Variants in APOO observed in about 807,000 individuals in gnomAD.
APOO encodes the protein MICOS complex subunit MIC26.
A neutral mutation model predicts 23.1 loss-of-function variants in APOO; 11 were observed. The observed-to-expected ratio is 0.48, with a 90% CI of 0.30 to 0.79. The LOEUF is 0.79. APOO is among the 30% of genes least tolerant of loss of function. The pLI is 0.07. For synonymous variants in APOO, 59 were observed against 54.8 expected (o/e 1.08, Z -0.34); for missense variants, 160 against 142.7 (o/e 1.12, Z -0.62).
chrX:23,860,581 T>C (rs370052525), intron 5 of APOO, among the ~76,000 whole-genome samples: 1 of 110,031 alleles, frequency 9.1e-6, no homozygotes, highest in East Asian at 2.9e-4. Context: ...GGCACAATCA[T>C]GGCTCACTGC....
intron 1 of APOO, among the ~76,000 whole-genome samples, chrX:23,889,755 T>C (rs186654677): frequency 4.4e-3 from 454 of 103,804 alleles, no homozygotes; most frequent in South Asian, 0.027. Context: ...CTCCGCCTCC[T>C]GGGTTCATGC....
intron 5 of APOO, among the ~76,000 whole-genome samples, chrX:23,865,145 G>A (rs1413825487): frequency 9.0e-6 from 1 of 111,650 alleles, no homozygotes; most frequent in East Asian, 2.8e-4. Flanking sequence ...AGAGCCACCA[G>A]AAGGCAACAA....
intron 7 of APOO, among the ~76,000 whole-genome samples, chrX:23,852,412 C>T (rs745555879): frequency 9.1e-6 from 1 of 110,408 alleles, no homozygotes; most frequent in East Asian, 2.9e-4. Context: ...CCCTGCACAA[C>T]ATGGTGAAAC....
At chrX:23,868,029 T>C (rs1404831747) in intron 5 of APOO, among the ~76,000 whole-genome samples, 2 of 112,445 alleles carry the variant, frequency 1.8e-5, no homozygotes, top group East Asian at 2.8e-4. Context: ...AGTTTCCAAC[T>C]AGCAAAACTT....
intron 1 of APOO, among the ~76,000 whole-genome samples, chrX:23,884,915 G>C (rs1022288209): frequency 9.0e-6 from 1 of 111,456 alleles, no homozygotes; most frequent in Non-Finnish European, 1.9e-5. Flanking sequence ...TCCAGAGACC[G>C]ACAGACAGCT....
rs373225462 is a variant in APOO at position 23,858,679 on chromosome X, G to C, written c.443C>G (p.Ser148Cys). 4.1e-6 allele frequency: 5 copies of C among 1,211,438 alleles called. No homozygotes were observed. The Admixed American group carries it at 8.7e-5, about 21-fold the overall frequency. ...YPPGFMGLAA[S>C]LYYPQQAIVF... ...GATGGCTTGTTGTGGATAATAGAGG[G>C]AGGCAGCTAATCCCATGAAACCAGG... The change falls in exon 6 of 9, where the codon TCC (serine) becomes TGC (cysteine). Residue 148 changes from serine to cysteine, a missense_variant. By Grantham distance (112) the Ser-to-Cys change is moderately radical. Transcript: ENST00000379226.
intron 5 of APOO, among the ~76,000 whole-genome samples, chrX:23,862,827 A>AAGAAGGAGGGAAGGGAAGGG (rs1364485594): frequency 3.6e-4 from 30 of 83,426 alleles, no homozygotes; most frequent in African/African-American, 1.2e-3. Flanking sequence ...GAAGGGAAGG[A>AAGAAGGAGGGAAGGGAAGGG]AGAAGGAGGG....
chrX:23,907,318 T>G (rs747017362), intron 1 of APOO, among the ~76,000 whole-genome samples: 2 of 107,577 alleles, frequency 1.9e-5, no homozygotes, highest in Non-Finnish European at 3.8e-5. Flanking sequence ...AACCTGACCC[T>G]GCCAGGCAAC....
intron 1 of APOO, among the ~76,000 whole-genome samples, chrX:23,889,831 T>G (rs977128387): frequency 5.3e-4 from 58 of 109,475 alleles, no homozygotes; most frequent in Middle Eastern, 4.7e-3. Flanking sequence ...CTGGCTAATT[T>G]TTTGTATTTT....
intron 4 of APOO, among the ~76,000 whole-genome samples, chrX:23,870,504 G>A (rs1343526724): frequency 8.9e-6 from 1 of 111,904 alleles, no homozygotes; most frequent in Non-Finnish European, 1.9e-5. Context: ...TAAGAATGAT[G>A]GCTGGGTGTA....
chrX:23,864,789 T>A (rs181697947), intron 5 of APOO, among the ~76,000 whole-genome samples: 2 of 111,939 alleles, frequency 1.8e-5, no homozygotes, highest in African/African-American at 3.2e-5. Flanking sequence ...TGAAAGGGTA[T>A]AATTATCCTA....
chrX:23,874,992 G>A (rs907614001), intron 3 of APOO, among the ~76,000 whole-genome samples: 1 of 111,803 alleles, frequency 8.9e-6, no homozygotes, highest in African/African-American at 3.2e-5. Context: ...GCTCACTCCT[G>A]TAATCCCAGC....
chrX:23,876,278 A>T (rs1470558555), intron 3 of APOO, among the ~76,000 whole-genome samples: 5 of 103,016 alleles, frequency 4.9e-5, no homozygotes, highest in African/African-American at 6.7e-5. Flanking sequence ...AATAAAAAAA[A>T]TAAAAATAAA....
intron 1 of APOO, among the ~76,000 whole-genome samples, chrX:23,896,804 A>AT (rs60669314): frequency 2.8e-4 from 24 of 84,752 alleles, no homozygotes; most frequent in African/African-American, 4.3e-4. Flanking sequence ...ACACTCAGCT[A>AT]TTTTTTTTTT....
rs747271141 is a variant in APOO at position 23,843,579 on chromosome X, CTTTTTTTTTTTTTT to C, written c.562-3216_562-3203del. On this transcript the variant is annotated intron_variant, in intron 7 of 8. Coordinates refer to ENST00000379226, the MANE Select transcript of APOO (RefSeq NM_024122.5). ...CGTCCATGAACACAAATGACAATTT[CTTTTTTTTTTTTTT>C]TTTTTTTTTGAGACGGAGTTTCCCT... Among the ~76,000 whole-genome samples the C allele has an allele frequency of 4.8e-3, 299 of 61,744 alleles. 1 individual carries two copies. Among genetic ancestry groups the C allele is most frequent in the African/African-American group, 0.019 (288 of 14,779 alleles). The allele number at this position is 61,744 out of a possible 115,157, so 53.6% of individuals were successfully genotyped here. A position where few individuals can be genotyped will look rare whatever the true frequency, so the allele number is the denominator to read the frequency against.
chrX:23,847,937 C>T (rs929156290), intron 7 of APOO, among the ~76,000 whole-genome samples: 1 of 108,126 alleles, frequency 9.2e-6, no homozygotes, highest in African/African-American at 3.3e-5. Flanking sequence ...AGTACAACGG[C>T]GGGATCTTGG....
intron 4 of APOO, among the ~76,000 whole-genome samples, chrX:23,872,521 T>TTATATATATATATATATATA (rs773219545): frequency 3.5e-4 from 33 of 93,229 alleles, no homozygotes; most frequent in African/African-American, 1.3e-3. Flanking sequence ...TTATGAGAAT[T>TTATATATATATATATATATA]TATATATATA....
chrX:23,842,922 C>T (rs964288244), intron 7 of APOO, among the ~76,000 whole-genome samples: 4 of 111,783 alleles, frequency 3.6e-5, no homozygotes, highest in East Asian at 2.8e-4. Context: ...GCAGGAGAAT[C>T]GCTTGAACCC....
intron 5 of APOO, among the ~76,000 whole-genome samples, chrX:23,860,966 C>T (rs1924995302): frequency 9.1e-6 from 1 of 110,165 alleles, no homozygotes; most frequent in Non-Finnish European, 1.9e-5. Context: ...TTAGGGAGAC[C>T]ACATCTCTAC....
Sources: gnomAD v4.1 joint callset for allele counts (sites outside exome capture counted in the v4.1 genomes callset) on GRCh38, gnomAD v4.1.1 for gene constraint, MANE v1.5 for transcripts, NCBI Gene and HGNC (gene_info 2026-07-23, HGNC 2026-07-21) for gene names.